The following ERC1 variants were observed in gnomAD, a reference collection of about 807,000 sequenced individuals.
The protein encoded by ERC1 is ELKS/RAB6-interacting/CAST family member 1, also known as RAB6 interacting protein 2.
ERC1 carries 56 observed loss-of-function variants against 132.0 expected under a neutral mutation model. The observed-to-expected ratio is 0.42, with a 90% CI of 0.34 to 0.53. ERC1 has a LOEUF of 0.53. Among genes scored for constraint, ERC1 ranks in the 20% least tolerant of loss-of-function variants. The pLI, the probability that ERC1 is intolerant of heterozygous loss-of-function variation, is 0.03. For synonymous variants in ERC1, 478 were observed against 476.1 expected (o/e 1.00, Z -0.05); for missense variants, 1,202 against 1,349.9 (o/e 0.89, Z 1.72).
chr12:1,440,494 C>T lies in ERC1; in HGVS notation c.3025-4068C>T, dbSNP rs1458273452. 1.9e-3 allele frequency among the ~76,000 whole-genome samples: 276 copies of T among 149,156 alleles called. 7 individuals are homozygous for T. The highest frequency in any genetic ancestry group is 6.0e-3 in the African/African-American group (240 of 40,058). On this transcript the variant is annotated intron_variant, in intron 17 of 18. Transcript: ENST00000360905. ...GTGCTGCGATTACAGGTGTGAGCCA[C>T]CGCGCCCGGCCTTTTTTTTTTTTTT... is the stretch of plus-strand genomic sequence containing the variant.
rs76465591 is a variant in ERC1, at chr12:1,103,199, G to T, written c.1087-1551G>T. On this transcript the variant is annotated intron_variant, in intron 3 of 18. Transcript: ENST00000360905. The stretch of plus-strand genomic sequence containing the variant: ...ATTTGAGCCAAGACTGGAAAGAAGT[G>T]AAGTCTTCCCCTAGCAGCTTGTGCA... Among the ~76,000 whole-genome samples, 3 of 152,300 alleles carry T rather than the reference G, an allele frequency of 2.0e-5. 1 individual carries two copies. The highest frequency in any genetic ancestry group is 2.0e-4 in the Admixed American group (3 of 15,288).
At chr12:1,394,227 C>T (rs1303337079) in intron 16 of ERC1, among the ~76,000 whole-genome samples, 126 of 150,566 alleles carry the variant, frequency 8.4e-4, no homozygotes, top group Non-Finnish European at 1.3e-3. Flanking sequence ...GGTGAAACCC[C>T]ATCTCTACTA....
At chr12:1,016,599 T>C (rs180822778) in intron 1 of ERC1, among the ~76,000 whole-genome samples, 56 of 151,942 alleles carry the variant, frequency 3.7e-4, no homozygotes, top group Non-Finnish European at 6.6e-4. Flanking sequence ...TCTCTCACAG[T>C]ATGTATATAA....
chr12:1,374,032 G>A (rs1021186418), intron 16 of ERC1, among the ~76,000 whole-genome samples: 3 of 152,226 alleles, frequency 2.0e-5, no homozygotes, highest in Non-Finnish European at 4.4e-5. Flanking sequence ...GAGCAAGAAG[G>A]AAGGAGTCTT....
At chr12:1,196,681 G>C (rs939749091) in intron 12 of ERC1, among the ~76,000 whole-genome samples, 2 of 149,966 alleles carry the variant, frequency 1.3e-5, no homozygotes, top group Non-Finnish European at 3.0e-5. Context: ...TTTTTGTAGG[G>C]CTGGTGCCTC....
intron 12 of ERC1, among the ~76,000 whole-genome samples, chr12:1,197,224 G>T (rs182949289): frequency 2.0e-5 from 3 of 150,744 alleles, no homozygotes; most frequent in African/African-American, 7.3e-5. Flanking sequence ...CAAGTGATCC[G>T]CCTGCCTTGG....
chr12:1,018,275 C>T (rs1965825477), intron 1 of ERC1, among the ~76,000 whole-genome samples: 1 of 152,190 alleles, frequency 6.6e-6, no homozygotes, highest in Non-Finnish European at 1.5e-5. Flanking sequence ...GGTCTCAGCT[C>T]ACTGCAACTT....
chr12:1,057,446 C>G (rs11836669), intron 2 of ERC1, among the ~76,000 whole-genome samples: 6,107 of 152,142 alleles, frequency 0.04, 206 homozygotes, highest in African/African-American at 0.088. Context: ...CTTTTGAGAA[C>G]TGTCTGTTTA....
rs536780739 is a variant in ERC1 at position 1,321,730 on chromosome 12, C to T, written c.2780+31718C>T. On this transcript the variant is annotated intron_variant, in intron 15 of 18. Transcript: ENST00000360905. ...CAATATAAAACCAATGTTTGGCTTT[C>T]GTAACCATTTCCTACATCTCTTCTA... 4.6e-5 allele frequency among the ~76,000 whole-genome samples: 7 copies of T among 152,228 alleles called. No individual in the cohort carries two copies. The East Asian group carries it at 7.7e-4, about 17-fold the overall frequency.
intron 15 of ERC1, among the ~76,000 whole-genome samples, chr12:1,301,664 G>T (rs138870743): frequency 1.3e-5 from 2 of 152,270 alleles, no homozygotes; most frequent in African/African-American, 4.8e-5. Context: ...CTATTGGAGG[G>T]TGGAGAGTGG....
chr12:1,306,030 C>G (rs1449130935), intron 15 of ERC1, among the ~76,000 whole-genome samples: 1 of 152,084 alleles, frequency 6.6e-6, no homozygotes, highest in Non-Finnish European at 1.5e-5. Context: ...GTTACTTCTG[C>G]TTAAAACTTC....
At chr12:1,489,258 C>T (rs1360623757) in intron 18 of ERC1, among the ~76,000 whole-genome samples, 2 of 152,202 alleles carry the variant, frequency 1.3e-5, no homozygotes, top group Admixed American at 6.5e-5. Flanking sequence ...TGTCTTTGGT[C>T]TCCCAGACGG....
chr12:1,104,680 C>G, intron 3 of ERC1, 70 bp from the exon 4 acceptor site: 1 of 1,077,844 alleles, frequency 9.3e-7, no homozygotes, highest in South Asian at 1.3e-5. Context: ...TACATCGGCT[C>G]TCACTCCTCT....
At chr12:1,348,194 G>A (rs1427090517) in intron 15 of ERC1, among the ~76,000 whole-genome samples, 1 of 152,110 alleles carries the variant, frequency 6.6e-6, no homozygotes, top group African/African-American at 2.4e-5. Flanking sequence ...TCCTGGTTTC[G>A]ATTTCTTTCC....
At chr12:1,172,182 TC>T (rs1345985614) in intron 8 of ERC1, among the ~76,000 whole-genome samples, 2 of 152,208 alleles carry the variant, frequency 1.3e-5, no homozygotes, top group Non-Finnish European at 2.9e-5. Context: ...AAATGTTTCT[TC>T]CTTGGGCTGG....
In ERC1 at chr12:1,388,531, A is replaced by T. The variant is rs146904377; in HGVS notation, c.2925+16554A>T. Among the ~76,000 whole-genome samples, 1,136 of 152,170 alleles carry T rather than the reference A, an allele frequency of 7.5e-3. 10 individuals are homozygous for T. The highest frequency in any genetic ancestry group is 0.041 in the South Asian group (196 of 4,804). On this transcript the variant is annotated intron_variant, in intron 16 of 18. Transcript: ENST00000360905. The stretch of plus-strand genomic sequence containing the variant: ...AGTGACGTGAGACTCCAGAGCCAGG[A>T]GGAGACAGGTCACGGAGAGCCCTGG...
chr12:1,040,468 G>A (rs749123053), intron 2 of ERC1, among the ~76,000 whole-genome samples: 50 of 151,512 alleles, frequency 3.3e-4, no homozygotes, highest in East Asian at 1.9e-4. Context: ...CACCATGCCC[G>A]GCTAATTTTT....
intron 5 of ERC1, among the ~76,000 whole-genome samples, chr12:1,111,258 A>G (rs1294589438): frequency 6.6e-6 from 1 of 152,162 alleles, no homozygotes; most frequent in Non-Finnish European, 1.5e-5. Flanking sequence ...TCTGTAAACT[A>G]TTTAGGCAAG....
At chr12:1,166,988 A>G (rs1952489440) in intron 8 of ERC1, among the ~76,000 whole-genome samples, 1 of 152,230 alleles carries the variant, frequency 6.6e-6, no homozygotes, top group Non-Finnish European at 1.5e-5. Context: ...AACTTAGTGA[A>G]TAATTTGAGG....
Sources: allele counts gnomAD v4.1 joint callset (sites outside exome capture counted in the v4.1 genomes callset), GRCh38; gene constraint gnomAD v4.1.1; transcripts MANE v1.5; gene names NCBI Gene and HGNC (gene_info 2026-07-23, HGNC 2026-07-21).